Variants in CMTM4 observed in about 807,000 individuals in gnomAD.
CMTM4 encodes the protein CKLF-like MARVEL transmembrane domain-containing protein 4.
A neutral mutation model predicts 19.0 loss-of-function variants in CMTM4; 8 were observed. That is an observed-to-expected ratio of 0.42 (90% CI 0.25 to 0.76). CMTM4 has a LOEUF of 0.76. Among genes scored for constraint, CMTM4 ranks in the 30% least tolerant of loss-of-function variants. The probability of loss-of-function intolerance (pLI) is 0.27; values close to 1 mark genes in which losing one functional copy is unlikely to be tolerated. For synonymous variants in CMTM4, 106 were observed against 121.1 expected (o/e 0.88, Z 0.82); for missense variants, 228 against 290.2 (o/e 0.79, Z 1.56).
intron 1 of CMTM4, among the ~76,000 whole-genome samples, chr16:66,641,768 G>C (rs978975588): frequency 7.2e-5 from 11 of 151,902 alleles, no homozygotes; most frequent in Admixed American, 2.0e-4. Context: ...TATGTAAAAG[G>C]GCTCTACAAA....
In CMTM4 at chr16:66,623,846, C is replaced by G. The variant is rs372771197; in HGVS notation, c.364-344G>C. The stretch of plus-strand genomic sequence containing the variant: ...TCATCTTGCTATGGACAAAGCTCCC[C>G]AAGGATCCAAATGTACTAAAACTGG... On this transcript the variant is annotated intron_variant, in intron 2 of 3. Transcript: ENST00000394106. Among the ~76,000 whole-genome samples the G allele has an allele frequency of 3.3e-5, 5 of 152,294 alleles. No homozygotes were observed. The East Asian group carries it at 5.8e-4, about 18-fold the overall frequency.
At chr16:66,627,717 C>T (rs2015770565) in intron 2 of CMTM4, among the ~76,000 whole-genome samples, 1 of 152,022 alleles carries the variant, frequency 6.6e-6, no homozygotes. Flanking sequence ...GTGCTTTGTG[C>T]CTGGCCTCTT....
chr16:66,614,358 GGCAGCCTCA>G (rs2144765613), downstream of CMTM4, among the ~76,000 whole-genome samples: 1 of 152,328 alleles, frequency 6.6e-6, no homozygotes, highest in South Asian at 2.1e-4. The surrounding 1 kb of genome is among the most constrained non-coding windows in gnomAD (Gnocchi z 4.9). Flanking sequence ...AGTGTCTCAC[GGCAGCCTCA>G]GGCAGCCGGA....
intron 1 of CMTM4, among the ~76,000 whole-genome samples, chr16:66,695,850 A>G (rs1041712626): frequency 1.3e-5 from 2 of 152,148 alleles, no homozygotes; most frequent in African/African-American, 4.8e-5. Context: ...CATCCAGCAA[A>G]TACTTACTAA....
the CMTM4 span, chr16:66,605,015 G>A: frequency 7.4e-7 from 1 of 1,345,946 alleles, no homozygotes; most frequent in Non-Finnish European, 9.5e-7. The surrounding 1 kb of genome is among the most constrained non-coding windows in gnomAD (Gnocchi z 4.6). Context: ...GGAGGAGGAC[G>A]TCGGGGCGCG....
chr16:66,609,119 G>GAGC, the CMTM4 span, among the ~76,000 whole-genome samples: 3 of 152,080 alleles, frequency 2.0e-5, no homozygotes, highest in Admixed American at 1.3e-4. This position sits in a 1 kb window ranked among gnomAD's most constrained non-coding sequence, Gnocchi z 4.4. Context: ...AGCGGGAAGG[G>GAGC]AGCAGGTGGG....
At chr16:66,655,978 G>A (rs944394520) in intron 1 of CMTM4, among the ~76,000 whole-genome samples, 1 of 152,068 alleles carries the variant, frequency 6.6e-6, no homozygotes, top group Non-Finnish European at 1.5e-5. Context: ...GGTAGCCCAC[G>A]CCTATGGTCC....
intron 1 of CMTM4, among the ~76,000 whole-genome samples, chr16:66,654,933 C>T (rs1221747862): frequency 1.3e-5 from 2 of 152,148 alleles, no homozygotes; most frequent in Admixed American, 6.5e-5. Context: ...CTTCACCAAG[C>T]TCCAGTCCAG....
intron 1 of CMTM4, among the ~76,000 whole-genome samples, chr16:66,655,593 C>T (rs1041344465): frequency 1.3e-5 from 2 of 149,278 alleles, no homozygotes; most frequent in Non-Finnish European, 3.0e-5. Context: ...ATATGTATTA[C>T]ATACATATAT....
chr16:66,601,271 G>A, the CMTM4 span, among the ~76,000 whole-genome samples: 1 of 152,216 alleles, frequency 6.6e-6, no homozygotes, highest in Non-Finnish European at 1.5e-5. Context: ...ACACAGACAA[G>A]TGGAGGGAGA....
At chr16:66,682,132 T>C (rs140547651) in intron 1 of CMTM4, among the ~76,000 whole-genome samples, 1,873 of 152,304 alleles carry the variant, frequency 0.012, 14 homozygotes, top group Non-Finnish European at 0.018. Flanking sequence ...TTTTGTCTTA[T>C]TTCTAATAGT....
chr16:66,680,128 T>G (rs568670836), intron 1 of CMTM4, among the ~76,000 whole-genome samples: 5 of 152,290 alleles, frequency 3.3e-5, no homozygotes, highest in African/African-American at 1.2e-4. Flanking sequence ...TTAGTATCAT[T>G]TATTGATTGA....
At chr16:66,609,839 C>T (rs755858431), downstream of CMTM4, 1 of 1,614,208 alleles carries the variant, frequency 6.2e-7, no homozygotes, top group Non-Finnish European at 8.5e-7. The surrounding 1 kb of genome is among the most constrained non-coding windows in gnomAD (Gnocchi z 4.4). Flanking sequence ...CCTCCCGGAG[C>T]AGGGAGTCAG....
At chr16:66,609,320 A>C in the CMTM4 span, 2 of 855,730 alleles carry the variant, frequency 2.3e-6, no homozygotes, top group Non-Finnish European at 1.8e-6. This position sits in a 1 kb window ranked among gnomAD's most constrained non-coding sequence, Gnocchi z 4.4. Flanking sequence ...CCAGGATGGG[A>C]TAGGAGCCCT....
chr16:66,674,148 G>A (rs1596954089), intron 1 of CMTM4, among the ~76,000 whole-genome samples: 1 of 152,220 alleles, frequency 6.6e-6, no homozygotes, highest in Admixed American at 6.5e-5. Flanking sequence ...GTCACAGTCT[G>A]GTCTGCGAAG....
chr16:66,655,927 T>C (rs761347582), intron 1 of CMTM4, among the ~76,000 whole-genome samples: 16 of 152,010 alleles, frequency 1.1e-4, no homozygotes, highest in Admixed American at 8.5e-4. Context: ...CTGAGCAACA[T>C]AGTGAGACAG....
intron 1 of CMTM4, among the ~76,000 whole-genome samples, chr16:66,660,387 C>T (rs1320782185): frequency 1.2e-5 from 1 of 84,520 alleles, no homozygotes; most frequent in Admixed American, 1.2e-4. Flanking sequence ...GATCCTGTCT[C>T]AAAAAAAAAA....
intron 1 of CMTM4, among the ~76,000 whole-genome samples, chr16:66,646,210 T>C (rs2016193146): frequency 6.6e-6 from 1 of 152,198 alleles, no homozygotes; most frequent in Non-Finnish European, 1.5e-5. Flanking sequence ...AACACATTTA[T>C]GTGCATTGAA....
In CMTM4 at chr16:66,620,146, GA is replaced by G. The variant is rs1403683119; in HGVS notation, c.*1911del. 2.0e-6 allele frequency: 2 copies of G among 985,332 alleles called. No homozygotes were observed. Among genetic ancestry groups the G allele is most frequent in the African/African-American group, 3.5e-5 (2 of 57,248 alleles). 61.0% of individuals were successfully genotyped at this position (985,332 alleles called of 1,614,324 possible). On this transcript the variant is annotated 3_prime_UTR_variant, in exon 4 of 4. Coordinates refer to ENST00000394106, the MANE Select transcript of CMTM4 (RefSeq NM_181521.3). ...ACATGATTCCCAGCAGGAGATTTCT[GA>G]TAAAGCTCAGGATGGTCCTTCCAAG...
Sources: allele counts gnomAD v4.1 joint callset (sites outside exome capture counted in the v4.1 genomes callset), GRCh38; gene constraint gnomAD v4.1.1; non-coding constraint Gnocchi (gnomAD v3.1); transcripts MANE v1.5; gene names NCBI Gene and HGNC (gene_info 2026-07-23, HGNC 2026-07-21).